Variants in PCDHA6 observed in about 807,000 individuals in gnomAD.
PCDHA6 encodes protocadherin alpha 6, also known as protocadherin alpha-6.
Under a neutral mutation model 60.3 loss-of-function variants are expected in PCDHA6, and 55 were observed. The observed-to-expected ratio is 0.91, with a 90% CI of 0.73 to 1.14. The LOEUF (loss-of-function observed/expected upper bound fraction) is 1.14. PCDHA6 is among the 50% of genes most tolerant of loss of function. PCDHA6 has a pLI of 0.00. For missense variants in PCDHA6, 1,327 were observed against 1,256.5 expected (o/e 1.06, Z -0.85); for synonymous variants, 652 against 557.9 (o/e 1.17, Z -2.38).
rs1779165164 is a variant in PCDHA6, at chr5:140,843,975, T to C, written c.2394+13490T>C. ...TTTTTACTGAATATTTATTTTGGCCTGCCTTACAGCCGTCTTCTCTGAACA... is the reference window on the plus strand; with the variant it reads ...TTTTTACTGAATATTTATTTTGGCCCGCCTTACAGCCGTCTTCTCTGAACA... On this transcript the variant is annotated intron_variant, in intron 1 of 3. Transcript: ENST00000529310. 1.3e-5 allele frequency among the ~76,000 whole-genome samples: 2 copies of C among 149,640 alleles called. 1 individual carries two copies. The highest frequency in any genetic ancestry group is 3.0e-5 in the Non-Finnish European group (2 of 66,898).
At position 140,977,766 on chromosome 5, in the gene PCDHA6, G is replaced by C. The variant is rs559146656; in HGVS notation, c.2395-1183G>C. ...AAGAAATGTGTTTATTAAATACTTTGCATCCCTTAAAGGAACTATATGAAT... is the reference window on the plus strand; with the variant it reads ...AAGAAATGTGTTTATTAAATACTTTCCATCCCTTAAAGGAACTATATGAAT... On this transcript the variant is annotated intron_variant, in intron 1 of 3. Coordinates refer to ENST00000529310, the MANE Select transcript of PCDHA6 (RefSeq NM_018909.4). Among the ~76,000 whole-genome samples, 3 of 152,272 alleles carry C rather than the reference G, an allele frequency of 2.0e-5. No homozygotes were observed. In the South Asian group the frequency reaches 6.2e-4, roughly 32 times the overall value.
chr5:140,836,158 C>T, intron 1 of PCDHA6: 2 of 1,613,784 alleles, frequency 1.2e-6, no homozygotes, highest in Non-Finnish European at 1.7e-6. Context: ...CATGTGGTGG[C>T]GAAGGTACGT....
chr5:140,925,917 A>T (rs1480980894), intron 1 of PCDHA6, among the ~76,000 whole-genome samples: 1 of 151,098 alleles, frequency 6.6e-6, no homozygotes, highest in African/African-American at 2.5e-5. Context: ...CCGTTTGCAA[A>T]GCACTCCCAA....
chr5:140,851,268 G>T lies in PCDHA6; in HGVS notation c.2394+20783G>T, dbSNP rs2042007881. ...TGATGCATAGTATTTTAGTCTACTT[G>T]TATTGTTTATAAGAAACCCAAGCAA... On this transcript the variant is annotated intron_variant, in intron 1 of 3. Transcript: ENST00000529310. 2.8e-6 allele frequency: 3 copies of T among 1,069,204 alleles called. No homozygotes were observed. In the East Asian group the frequency reaches 1.3e-4, roughly 48 times the overall value. 66.2% of individuals were successfully genotyped at this position (1,069,204 alleles called of 1,614,324 possible).
chr5:140,933,586 T>A (rs1474110331), intron 1 of PCDHA6, among the ~76,000 whole-genome samples: 1 of 152,108 alleles, frequency 6.6e-6, no homozygotes, highest in Non-Finnish European at 1.5e-5. Flanking sequence ...AGTGGGTTTT[T>A]AGGTTGATTT....
In PCDHA6 at chr5:140,929,760, G is replaced by A. The variant is rs139688975; in HGVS notation, c.2395-49189G>A. 1,459 of 180,340 alleles carry A rather than the reference G, an allele frequency of 8.1e-3. 10 individuals carry two copies. Among genetic ancestry groups the A allele is most frequent in the African/African-American group, 0.019 (807 of 42,220 alleles). The allele number at this position is 180,340 out of a possible 1,614,324, so 11.2% of individuals were successfully genotyped here. A position where few individuals can be genotyped will look rare whatever the true frequency, so the allele number is the denominator to read the frequency against. Reference sequence around the variant, plus strand: ...TTGCAATGCATTATTAAAAGATGACGATAACCACAAAAGATGTAAAAATAA... The same window carrying A: ...TTGCAATGCATTATTAAAAGATGACAATAACCACAAAAGATGTAAAAATAA... On this transcript the variant is annotated intron_variant, in intron 1 of 3. Transcript: ENST00000529310.
intron 1 of PCDHA6, among the ~76,000 whole-genome samples, chr5:140,885,719 T>C (rs1304075284): frequency 6.6e-6 from 1 of 152,210 alleles, no homozygotes; most frequent in Non-Finnish European, 1.5e-5. Flanking sequence ...TAATGTGATC[T>C]CTGTGAAATG....
At chr5:140,869,857 A>T in intron 1 of PCDHA6, 1 of 1,610,928 alleles carries the variant, frequency 6.2e-7, no homozygotes, top group Non-Finnish European at 8.5e-7. Flanking sequence ...GGTGAGCCTT[A>T]TGGAAAATGC....
intron 1 of PCDHA6, among the ~76,000 whole-genome samples, chr5:140,832,070 T>G (rs1282000636): frequency 6.6e-6 from 1 of 152,252 alleles, no homozygotes; most frequent in Non-Finnish European, 1.5e-5. Context: ...TAATCTGAGA[T>G]GTCTCTAACA....
At chr5:140,910,854 T>G (rs2075197535) in intron 1 of PCDHA6, among the ~76,000 whole-genome samples, 1 of 152,212 alleles carries the variant, frequency 6.6e-6, no homozygotes, top group East Asian at 1.9e-4. Flanking sequence ...GGATCTATGT[T>G]CCATCCACCA....
At chr5:140,993,468 A>G (rs1327306188) in intron 3 of PCDHA6, among the ~76,000 whole-genome samples, 1 of 69,412 alleles carries the variant, frequency 1.4e-5, no homozygotes, top group African/African-American at 5.6e-5. Context: ...TTTCTCACAC[A>G]CACACACACA....
At chr5:140,929,160 T>G in intron 1 of PCDHA6, 1 of 1,614,130 alleles carries the variant, frequency 6.2e-7, no homozygotes, top group East Asian at 2.2e-5. Context: ...CTTATCTCTA[T>G]CGGGCCTCTC....
chr5:140,836,547 C>CGGT, intron 1 of PCDHA6: 1 of 1,613,738 alleles, frequency 6.2e-7, no homozygotes, highest in Non-Finnish European at 8.5e-7. Context: ...CACGGCGTTG[C>CGGT]GGTGCTCAGC....
intron 1 of PCDHA6, chr5:140,869,808 C>A: frequency 6.2e-7 from 1 of 1,612,402 alleles, no homozygotes; most frequent in South Asian, 1.1e-5. Context: ...TCTTGGATGT[C>A]AACGACAATG....
At chr5:140,972,540 T>C (rs1375467339) in intron 1 of PCDHA6, among the ~76,000 whole-genome samples, 1 of 152,148 alleles carries the variant, frequency 6.6e-6, no homozygotes, top group East Asian at 1.9e-4. Context: ...AAATCACTTG[T>C]GCAGTGAGGA....
At chr5:140,886,101 A>G (rs1554182351) in intron 1 of PCDHA6, among the ~76,000 whole-genome samples, 1 of 152,228 alleles carries the variant, frequency 6.6e-6, no homozygotes, top group Admixed American at 6.5e-5. Context: ...ACATTGATAC[A>G]GTAAAGAAGT....
At chr5:140,960,785 A>C (rs1452809407) in intron 1 of PCDHA6, among the ~76,000 whole-genome samples, 2 of 152,200 alleles carry the variant, frequency 1.3e-5, no homozygotes, top group Admixed American at 1.3e-4. Context: ...AGGGCCAAAC[A>C]AGGTTTCTAT....
intron 1 of PCDHA6, among the ~76,000 whole-genome samples, chr5:140,893,927 T>C (rs1251170255): frequency 1.3e-5 from 2 of 152,212 alleles, no homozygotes; most frequent in Non-Finnish European, 2.9e-5. Flanking sequence ...TTTCAGAATC[T>C]CTACCTGTTA....
intron 1 of PCDHA6, chr5:140,831,346 C>T (rs1204260728): frequency 1.4e-5 from 2 of 140,818 alleles, no homozygotes; most frequent in South Asian, 2.4e-4. Context: ...GTAATTTAAA[C>T]TATTCACTAT....
Sources: gnomAD v4.1 joint callset for allele counts (sites outside exome capture counted in the v4.1 genomes callset) on GRCh38, gnomAD v4.1.1 for gene constraint, MANE v1.5 for transcripts, NCBI Gene and HGNC (gene_info 2026-07-23, HGNC 2026-07-21) for gene names.